Variants in KRT7 observed in about 807,000 individuals in gnomAD.
The protein encoded by KRT7 is keratin, type II cytoskeletal 7.
Under a neutral mutation model 42.8 loss-of-function variants are expected in KRT7, and 50 were observed. The observed-to-expected ratio is 1.17, with a 90% CI of 0.93 to 1.48. KRT7 has a LOEUF of 1.48. Ranked by LOEUF, KRT7 falls within the 40% of genes most tolerant of loss-of-function variation. KRT7 has a pLI of 0.00. For synonymous variants in KRT7, 268 were observed against 266.3 expected, an observed-to-expected ratio of 1.01 and a Z score of -0.06; for missense variants, 588 against 637.6, an observed-to-expected ratio of 0.92 and a Z score of 0.84.
downstream of KRT7, chr12:52,253,428 C>T (rs918169673): frequency 6.4e-6 from 10 of 1,563,572 alleles, no homozygotes; most frequent in South Asian, 1.1e-4. Context: ...GTGCAGTGCT[C>T]AGCCTGTGCA....
At chr12:52,250,612 A>C (rs12581576), downstream of KRT7, 253,836 of 1,066,126 alleles carry the variant, frequency 0.24, 35,312 homozygotes, top group East Asian at 0.6. Context: ...AGGTCCCCGC[A>C]TAAGACCCCG....
chr12:52,244,576 A>G, intron 6 of KRT7: 1 of 985,850 alleles, frequency 1.0e-6, no homozygotes, highest in Non-Finnish European at 1.2e-6. Flanking sequence ...GACTGCCTCC[A>G]CTGAGGGAAG....
chr12:52,252,194 T>C, downstream of KRT7: 1 of 1,556,424 alleles, frequency 6.4e-7, no homozygotes. Context: ...TGCTCCTGGG[T>C]GTTGAAGCAC....
intron 7 of KRT7, chr12:52,247,825 T>C (rs1442615217): frequency 6.3e-6 from 2 of 316,678 alleles, no homozygotes. Context: ...AAATAACACA[T>C]ACAGCTACCA....
At chr12:52,252,290 T>C (rs771157453), downstream of KRT7, 16 of 1,613,874 alleles carry the variant, frequency 9.9e-6, no homozygotes, top group Admixed American at 1.7e-5. Flanking sequence ...AGCAGGCGCC[T>C]GTAGGTGGCG....
In KRT7 at chr12:52,241,655, C is replaced by T. The variant is rs540444883; in HGVS notation, c.858+19C>T. ...GACCAAGGTGTGAGGCCACCAGGGG[C>T]GTATTTCCTCCTGCCAGGGTCCTTG... On this transcript the variant is annotated intron_variant, in intron 5 of 8. Transcript: ENST00000331817. 9.6e-5 allele frequency: 153 copies of T among 1,590,026 alleles called. No homozygotes were observed. The South Asian group carries it at 1.2e-3, about 12-fold the overall frequency.
intron 7 of KRT7, 75 bp downstream of exon 7, chr12:52,245,707 C>T (rs1175186961): frequency 1.3e-6 from 2 of 1,576,540 alleles, no homozygotes; most frequent in East Asian, 2.2e-5. Flanking sequence ...CATCCATTTA[C>T]AAGCATTTCC....
At chr12:52,250,790 C>T (rs1414034211), downstream of KRT7, 2 of 388,386 alleles carry the variant, frequency 5.1e-6, no homozygotes, top group East Asian at 4.9e-5. Context: ...CCTTGATACA[C>T]TGTTAGCCCA....
Position 52,241,613 on chromosome 12 carries a change from G to C in KRT7, c.835G>C (p.Ala279Pro), listed in dbSNP as rs1244816366. 1.2e-6 allele frequency: 2 copies of C among 1,611,450 alleles called. No homozygotes were observed. The highest frequency in any genetic ancestry group is 2.7e-5 in the African/African-American group (2 of 74,826). Residue 279 changes from alanine (A) to proline (P), a missense_variant, in exon 5 of 9, where the codon GCT becomes CCT. Physicochemically the swap from Ala to Pro is conservative, Grantham distance 27 (BLOSUM62 -1). Transcript: ENST00000331817. ...GATGGCCAAATGCAGCCGGGCTGAG[G>C]CTGAAGCCTGGTACCAGACCAAGGT... is the stretch of plus-strand genomic sequence containing the variant. The part of the protein sequence containing the change: ...EEMAKCSRAE[A>P]EAWYQTKFET...
chr12:52,237,399 TA>T (rs1271679040), intron 2 of KRT7, 109 bp from the exon 3 acceptor site: 1 of 752,176 alleles, frequency 1.3e-6, no homozygotes, highest in Admixed American at 2.6e-5. Flanking sequence ...GGTGTGTCTT[TA>T]AAGAGTAGGG....
Position 52,245,537 on chromosome 12 carries a change from G to T in KRT7, c.1110G>T (p.Arg370=). 5 of 1,614,198 alleles carry T rather than the reference G, an allele frequency of 3.1e-6. No homozygotes were observed. Among genetic ancestry groups the T allele is most frequent in the Non-Finnish European group, 4.2e-6 (5 of 1,180,042 alleles). The change falls in exon 7 of 9, where the codon CGG becomes CGT. Residue 370 remains arginine, a synonymous_variant. Coordinates refer to ENST00000331817, the MANE Select transcript of KRT7 (RefSeq NM_005556.4). ...ALQRGKQDMA[R]QLREYQELMS... is the part of the protein sequence containing the mutation. Reference sequence around the variant, plus strand: ...AGCGGGGCAAGCAGGATATGGCACGGCAGCTGCGTGAGTACCAGGAACTCA... The same window carrying T: ...AGCGGGGCAAGCAGGATATGGCACGTCAGCTGCGTGAGTACCAGGAACTCA...
downstream of KRT7, chr12:52,253,092 G>A: frequency 1.1e-6 from 1 of 917,136 alleles, no homozygotes; most frequent in Non-Finnish European, 1.8e-6. Context: ...GAGGCTGTCT[G>A]TCCTCATGCT....
intron 4 of KRT7, among the ~76,000 whole-genome samples, chr12:52,239,974 G>T (rs566755025): frequency 6.6e-6 from 1 of 152,316 alleles, no homozygotes; most frequent in East Asian, 1.9e-4. Flanking sequence ...AGCTTGTGAG[G>T]TTAATTACAA....
At chr12:52,255,232 C>A (rs535964417), downstream of KRT7, 6 of 403,914 alleles carry the variant, frequency 1.5e-5, no homozygotes, top group Non-Finnish European at 3.0e-5. Context: ...TCCACCTCTC[C>A]GAACTACAGA....
At chr12:52,237,304 C>A (rs1942023756) in intron 2 of KRT7, among the ~76,000 whole-genome samples, 1 of 151,824 alleles carries the variant, frequency 6.6e-6, no homozygotes, top group South Asian at 2.1e-4. Flanking sequence ...CCACCAACAA[C>A]CCCCCATGCC....
chr12:52,252,341 G>T, downstream of KRT7: 1 of 1,614,026 alleles, frequency 6.2e-7, no homozygotes, highest in Non-Finnish European at 8.5e-7. Flanking sequence ...TCACCTCCTG[G>T]TACTCCCTGA....
intron 5 of KRT7, 168 bp downstream of exon 5, chr12:52,241,804 G>T (rs377684688): frequency 1.9e-5 from 11 of 573,138 alleles, no homozygotes; most frequent in South Asian, 1.9e-4. Context: ...AAGATGGGAG[G>T]ACAGGGCAGA....
At position 52,233,649 on chromosome 12, in the gene KRT7, C is replaced by G. The variant is rs764027851; in HGVS notation, c.324+29C>G. Reference sequence around the variant, plus strand: ...AGCGGGACTGGACCTCGCCTCTCCTCGAGCCGCGCTCCAGACCACACCAGC... The same window carrying G: ...AGCGGGACTGGACCTCGCCTCTCCTGGAGCCGCGCTCCAGACCACACCAGC... On this transcript the variant is annotated intron_variant, in intron 1 of 8. Transcript: ENST00000331817. 10 of 1,607,466 alleles carry G rather than the reference C, an allele frequency of 6.2e-6. No homozygotes were observed. The South Asian group carries it at 6.6e-5, about 11-fold the overall frequency.
chr12:52,233,670 C>T (rs1174022998), intron 1 of KRT7, 50 bp downstream of exon 1: 2 of 1,581,990 alleles, frequency 1.3e-6, no homozygotes, highest in Admixed American at 1.7e-5. Context: ...CCAGACCACA[C>T]CAGCCGCCCT....
Sources: gnomAD v4.1 joint callset for allele counts (sites outside exome capture counted in the v4.1 genomes callset) on GRCh38, gnomAD v4.1.1 for gene constraint, MANE v1.5 for transcripts, NCBI Gene and HGNC (gene_info 2026-07-23, HGNC 2026-07-21) for gene names.